The following KCNQ4 variants were observed in gnomAD, a reference collection of about 807,000 sequenced individuals.
The protein encoded by KCNQ4 is potassium voltage-gated channel subfamily Q member 4.
KCNQ4 carries 31 observed loss-of-function variants against 72.6 expected under a neutral mutation model. The observed-to-expected ratio is 0.43, with a 90% CI of 0.32 to 0.58. The LOEUF is 0.58. Ranked by LOEUF, KCNQ4 falls within the 20% of genes least tolerant of loss-of-function variation. The pLI is 0.08. For missense variants in KCNQ4, 869 were observed against 962.6 expected (o/e 0.90, Z 1.29); for synonymous variants, 405 against 403.7 (o/e 1.00, Z -0.04).
intron 1 of KCNQ4, among the ~76,000 whole-genome samples, chr1:40,792,446 G>A (rs1647301474): frequency 6.6e-6 from 1 of 152,292 alleles, no homozygotes; most frequent in East Asian, 1.9e-4. Context: ...AGAACCTCAG[G>A]TCTCAGCGCT....
intron 1 of KCNQ4, among the ~76,000 whole-genome samples, chr1:40,793,004 CTTTTTT>C (rs10549805): frequency 1.8e-5 from 2 of 109,074 alleles, no homozygotes; most frequent in Non-Finnish European, 3.6e-5. Context: ...TTCTTTCTTT[CTTTTTT>C]TTTTTTTTTT....
chr1:40,818,534 G>A lies in KCNQ4; in HGVS notation c.562G>A (p.Val188Ile). 2 of 1,602,596 alleles carry A rather than the reference G, an allele frequency of 1.2e-6. No individual in the cohort carries two copies. Among genetic ancestry groups the A allele is most frequent in the Non-Finnish European group, 8.5e-7 (1 of 1,179,858 alleles). The change falls in exon 4 of 14, where the codon GTC (valine) becomes ATC (isoleucine). Residue 188 changes from valine to isoleucine, a missense_variant. Val to Ile is a conservative substitution (Grantham distance 29). This residue lies in a region of KCNQ4 where 179 missense variants were observed against 243.0 expected (regional missense o/e 0.74). Coordinates refer to ENST00000347132, the MANE Select transcript of KCNQ4 (RefSeq NM_004700.4). The part of the protein sequence containing the change: ...DFIVFVASVA[V>I]IAAGTQGNIF... ...CATCGTGTTCGTGGCCTCGGTGGCC[G>A]TCATCGCCGCGGGTACCCAGGGCAA...
intron 2 of KCNQ4, 86 bp from the exon 3 acceptor site, chr1:40,818,078 C>T: frequency 1.3e-6 from 2 of 1,588,370 alleles, no homozygotes; most frequent in Non-Finnish European, 8.6e-7. Flanking sequence ...TCCCCCTAAC[C>T]CAGGGACTCT....
intron 1 of KCNQ4, among the ~76,000 whole-genome samples, chr1:40,802,245 G>A (rs1480783181): frequency 1.3e-5 from 2 of 152,264 alleles, no homozygotes; most frequent in South Asian, 4.1e-4. Context: ...TGAGGTGGAA[G>A]GGCGAGGCCG....
intron 9 of KCNQ4, 75 bp from the exon 10 acceptor site, chr1:40,831,009 T>A (rs1457191524): frequency 7.7e-7 from 1 of 1,302,480 alleles, no homozygotes; most frequent in Non-Finnish European, 1.1e-6. Flanking sequence ...AAGTCCTAAG[T>A]CAGCTTTGTC....
chr1:40,786,803 G>T (rs553192057), intron 1 of KCNQ4, among the ~76,000 whole-genome samples: 2 of 152,198 alleles, frequency 1.3e-5, no homozygotes, highest in South Asian at 2.1e-4. Flanking sequence ...CTTGAAAGAC[G>T]GTTGTTATTA....
At chr1:40,833,641 T>G (rs991909408) in intron 11 of KCNQ4, among the ~76,000 whole-genome samples, 7 of 151,894 alleles carry the variant, frequency 4.6e-5, no homozygotes, top group Admixed American at 3.9e-4. Context: ...TTTTCTGGGC[T>G]CCCCACTTTC....
chr1:40,820,274 G>T lies in KCNQ4; in HGVS notation c.1041+14G>T. The T allele has an allele frequency of 6.3e-7, 1 of 1,586,382 alleles. No individual in the cohort carries two copies. ...AACCTCATCCAGGTACAAGATGCCC[G>T]GGAAGAAGCCCTAGGAGCAGGGCCG... On this transcript the variant is annotated intron_variant, in intron 7 of 13. Coordinates refer to ENST00000347132, the MANE Select transcript of KCNQ4 (RefSeq NM_004700.4).
rs371409347 is a variant in KCNQ4 at position 40,832,389 on chromosome 1, T to A, written c.1514-625T>A. On this transcript the variant is annotated intron_variant, in intron 10 of 13. Coordinates refer to ENST00000347132, the MANE Select transcript of KCNQ4 (RefSeq NM_004700.4). ...TTGAGAGGTGCTGCCCATAGAAGCC[T>A]GGGCACAGCTGGTGCCCAGGACCTC... is the stretch of plus-strand genomic sequence containing the variant. Among the ~76,000 whole-genome samples, 5 of 152,176 alleles carry A rather than the reference T, an allele frequency of 3.3e-5. No homozygotes were observed. In the South Asian group the frequency reaches 1.0e-3, roughly 31 times the overall value.
chr1:40,811,684 C>G (rs1472481699), intron 1 of KCNQ4, among the ~76,000 whole-genome samples: 1 of 152,168 alleles, frequency 6.6e-6, no homozygotes, highest in Non-Finnish European at 1.5e-5. Flanking sequence ...GTTGGATAAG[C>G]CTTGTGATCA....
At chr1:40,806,932 G>A (rs1457975179) in intron 1 of KCNQ4, among the ~76,000 whole-genome samples, 2 of 152,180 alleles carry the variant, frequency 1.3e-5, no homozygotes, top group African/African-American at 2.4e-5. Context: ...ATCTGTGGCG[G>A]CCAGGAGAGT....
At position 40,794,950 on chromosome 1, in the gene KCNQ4, T is replaced by A. The variant is rs1647365882; in HGVS notation, c.314+10543T>A. On this transcript the variant is annotated intron_variant, in intron 1 of 13. Transcript: ENST00000347132. This position sits in a 1 kb window ranked among gnomAD's most constrained non-coding sequence, Gnocchi z 4.2. Reference sequence around the variant, plus strand: ...TGCAGTGAGGACCAACCCAAGGCTCTTTCCTAAGATTGGGTTGGGCGGGTG... The same window carrying A: ...TGCAGTGAGGACCAACCCAAGGCTCATTCCTAAGATTGGGTTGGGCGGGTG... Among the ~76,000 whole-genome samples the A allele has an allele frequency of 7.4e-6, 1 of 134,686 alleles. No individual in the cohort carries two copies. Among genetic ancestry groups the A allele is most frequent in the Admixed American group, 7.4e-5 (1 of 13,550 alleles). 88.4% of individuals were successfully genotyped at this position (134,686 alleles called of 152,430 possible).
In KCNQ4 at chr1:40,784,249, G is replaced by A. The variant is rs1244967294; in HGVS notation, c.156G>A (p.Leu52=). The A allele has an allele frequency of 5.8e-6, 8 of 1,375,510 alleles. No individual in the cohort carries two copies. The highest frequency in any genetic ancestry group is 4.7e-6 in the Non-Finnish European group (5 of 1,072,630). 85.2% of individuals were successfully genotyped at this position (1,375,510 alleles called of 1,614,324 possible). ...GCCTCGGCCTCCTGGGCAGCCCCCT[G>A]CCGCCGGGCGCGCCCCTCCCTGGGC... ...PRRLGLLGSP[L]PPGAPLPGPG... Residue 52 remains leucine, a synonymous_variant, in exon 1 of 14, where the codon CTG becomes CTA. Transcript: ENST00000347132. The surrounding 1 kb of genome is among the most constrained non-coding windows in gnomAD (Gnocchi z 4.1).
intron 9 of KCNQ4, among the ~76,000 whole-genome samples, chr1:40,828,955 A>G (rs1648560059): frequency 6.6e-6 from 1 of 152,248 alleles, no homozygotes; most frequent in Admixed American, 6.5e-5. Context: ...AGCTTCCTCA[A>G]CCATCACAGA....
chr1:40,794,919 G>A lies in KCNQ4; in HGVS notation c.314+10512G>A, dbSNP rs777039481. Among the ~76,000 whole-genome samples the A allele has an allele frequency of 2.3e-5, 3 of 131,452 alleles. No homozygotes were observed. Among genetic ancestry groups the A allele is most frequent in the Admixed American group, 9.4e-5 (1 of 10,594 alleles). 86.2% of individuals were successfully genotyped at this position (131,452 alleles called of 152,430 possible). A position where few individuals can be genotyped will look rare whatever the true frequency, so the allele number is the denominator to read the frequency against. On this transcript the variant is annotated intron_variant, in intron 1 of 13. Transcript: ENST00000347132. This position sits in a 1 kb window ranked among gnomAD's most constrained non-coding sequence, Gnocchi z 4.2. ...AGGGGACAGAGGAGCCTCAGGTCCC[G>A]CACTTTGCAGTGAGGACCAACCCAA... is the stretch of plus-strand genomic sequence containing the variant.
chr1:40,808,511 C>T (rs889647698), intron 1 of KCNQ4, among the ~76,000 whole-genome samples: 2 of 152,134 alleles, frequency 1.3e-5, no homozygotes, highest in African/African-American at 4.8e-5. Flanking sequence ...ATACCTCCTC[C>T]ATCTCTTCAG....
At chr1:40,834,785 C>G (rs1178583780) in intron 11 of KCNQ4, among the ~76,000 whole-genome samples, 182 bp from the exon 12 acceptor site, 1 of 152,004 alleles carries the variant, frequency 6.6e-6, no homozygotes, top group East Asian at 1.9e-4. Flanking sequence ...CCCTTTCCAT[C>G]TCATCCCTGT....
chr1:40,798,181 G>C (rs1241394982), intron 1 of KCNQ4, among the ~76,000 whole-genome samples: 1 of 152,128 alleles, frequency 6.6e-6, no homozygotes, highest in East Asian at 1.9e-4. Context: ...ACAGGGCAGG[G>C]ACTAAACTCA....
intron 11 of KCNQ4, 109 bp from the exon 12 acceptor site, chr1:40,834,858 C>T (rs1322871681): frequency 6.8e-7 from 1 of 1,468,544 alleles, no homozygotes; most frequent in African/African-American, 1.4e-5. Flanking sequence ...GGTGGCCAAG[C>T]AGGAGGTGCC....
Sources: allele counts gnomAD v4.1 joint callset (sites outside exome capture counted in the v4.1 genomes callset), GRCh38; gene constraint gnomAD v4.1.1; regional missense constraint gnomAD v4.1.1; non-coding constraint Gnocchi (gnomAD v3.1); transcripts MANE v1.5; gene names NCBI Gene and HGNC (gene_info 2026-07-23, HGNC 2026-07-21).